The following RANBP17 variants were observed in gnomAD, a reference collection of about 807,000 sequenced individuals.
RANBP17 encodes RAN binding protein 17.
In RANBP17, 158 loss-of-function variants were observed where a neutral mutation model predicts 141.2. That is an observed-to-expected ratio of 1.12 (90% CI 0.98 to 1.28). The LOEUF is 1.28. Ranked by LOEUF, RANBP17 falls within the 50% of genes most tolerant of loss-of-function variation. The pLI is 0.00. For missense variants in RANBP17, 1,438 were observed against 1,290.7 expected (o/e 1.11, Z -1.75); for synonymous variants, 430 against 450.0 (o/e 0.96, Z 0.56).
chr5:170,931,448 T>C (rs1680278803), intron 12 of RANBP17, among the ~76,000 whole-genome samples: 1 of 152,214 alleles, frequency 6.6e-6, no homozygotes, highest in African/African-American at 2.4e-5. Flanking sequence ...TTTGTTGCCA[T>C]TGCTTTTGGT....
intron 14 of RANBP17, among the ~76,000 whole-genome samples, chr5:171,086,024 G>T (rs1785619731): frequency 1.7e-5 from 1 of 57,662 alleles, no homozygotes; most frequent in Admixed American, 2.1e-4. Context: ...GTGAGAGAGG[G>T]CATCCCTGTC....
intron 14 of RANBP17, among the ~76,000 whole-genome samples, chr5:171,046,440 C>T (rs915414043): frequency 3.9e-5 from 6 of 151,902 alleles, no homozygotes; most frequent in African/African-American, 1.5e-4. Flanking sequence ...GATGTCTTGA[C>T]CTCGTGATCT....
At chr5:170,917,605 C>T (rs115109363) in intron 9 of RANBP17, among the ~76,000 whole-genome samples, 1,775 of 152,160 alleles carry the variant, frequency 0.012, 32 homozygotes, top group African/African-American at 0.041. Context: ...TTTGCATATT[C>T]TCAGAAGTGT....
chr5:170,954,986 G>A (rs1247080642), intron 13 of RANBP17, among the ~76,000 whole-genome samples: 1 of 152,120 alleles, frequency 6.6e-6, no homozygotes, highest in Non-Finnish European at 1.5e-5. Flanking sequence ...GATCAGCAGG[G>A]ACATAGATTC....
intron 27 of RANBP17, among the ~76,000 whole-genome samples, chr5:171,296,988 G>A (rs1295318387): frequency 2.0e-5 from 3 of 152,204 alleles, no homozygotes; most frequent in East Asian, 3.8e-4. Flanking sequence ...TTGTGTGGCA[G>A]TAGGCAGTTA....
chr5:171,052,617 T>C (rs1416758402), intron 14 of RANBP17, among the ~76,000 whole-genome samples: 1 of 152,208 alleles, frequency 6.6e-6, no homozygotes, highest in East Asian at 1.9e-4. Context: ...ACGGTTTTGG[T>C]TACTGTAGCT....
chr5:171,159,604 C>T (rs897137486), intron 14 of RANBP17, among the ~76,000 whole-genome samples: 7 of 152,116 alleles, frequency 4.6e-5, no homozygotes, highest in Non-Finnish European at 2.9e-5. Flanking sequence ...TCTGGACCCC[C>T]GTGTCTGTGT....
chr5:170,878,089 C>G lies in RANBP17; in HGVS notation c.19-8C>G, dbSNP rs1384322775. On this transcript the variant is annotated splice_polypyrimidine_tract_variant and splice_region_variant and intron_variant, in intron 1 of 27. Coordinates refer to ENST00000523189, the MANE Select transcript of RANBP17 (RefSeq NM_022897.5). ...TGAAGTAAAATGTTAATTTTTTTTTCTTTGAAGAGTTTGGCTGAATTGGAA... is the reference window on the plus strand; with the variant it reads ...TGAAGTAAAATGTTAATTTTTTTTTGTTTGAAGAGTTTGGCTGAATTGGAA... 3.3e-6 allele frequency: 5 copies of G among 1,498,854 alleles called. No individual in the cohort carries two copies. Among genetic ancestry groups the G allele is most frequent in the Non-Finnish European group, 4.5e-6 (5 of 1,122,904 alleles). The allele number at this position is 1,498,854 out of a possible 1,614,324, so 92.8% of individuals were successfully genotyped here. A position where few individuals can be genotyped will look rare whatever the true frequency, so the allele number is the denominator to read the frequency against.
intron 14 of RANBP17, among the ~76,000 whole-genome samples, chr5:171,089,098 C>G (rs1454463395): frequency 6.6e-6 from 1 of 151,376 alleles, no homozygotes; most frequent in Admixed American, 6.6e-5. Flanking sequence ...GTGGTTTTAT[C>G]TACTTTTGGT....
intron 14 of RANBP17, among the ~76,000 whole-genome samples, chr5:171,137,606 C>G (rs12187513): frequency 0.14 from 8,112 of 58,702 alleles, 288 homozygotes; most frequent in East Asian, 0.26. Flanking sequence ...GTGTGTGTGT[C>G]TGTGTGTGTG....
intron 1 of RANBP17, among the ~76,000 whole-genome samples, chr5:170,877,184 C>T (rs1768252846): frequency 6.6e-6 from 1 of 151,994 alleles, no homozygotes; most frequent in Non-Finnish European, 1.5e-5. Flanking sequence ...CTAGAAATAC[C>T]ATGGGATCAA....
intron 14 of RANBP17, among the ~76,000 whole-genome samples, chr5:171,120,752 C>T (rs1020400257): frequency 6.6e-6 from 1 of 152,030 alleles, no homozygotes; most frequent in Non-Finnish European, 1.5e-5. Context: ...TTATTGTATT[C>T]CTTTAGACAT....
chr5:171,170,254 T>A, intron 15 of RANBP17, 51 bp downstream of exon 15: 1 of 925,774 alleles, frequency 1.1e-6, no homozygotes, highest in Non-Finnish European at 1.6e-6. Context: ...GTTTTAAATG[T>A]AATAGATCTT....
At chr5:171,284,308 CATTTT>C (rs1347132904) in intron 25 of RANBP17, among the ~76,000 whole-genome samples, 2 of 151,796 alleles carry the variant, frequency 1.3e-5, no homozygotes, top group Admixed American at 6.6e-5. Context: ...CTTTTTATTT[CATTTT>C]ATTTTATTTT....
chr5:170,982,365 A>G (rs926844469), intron 14 of RANBP17, among the ~76,000 whole-genome samples: 2 of 152,206 alleles, frequency 1.3e-5, no homozygotes, highest in African/African-American at 4.8e-5. Context: ...ACAATTGACA[A>G]TAGCTAGCCT....
At chr5:171,012,004 C>T (rs540457283) in intron 14 of RANBP17, among the ~76,000 whole-genome samples, 7 of 149,982 alleles carry the variant, frequency 4.7e-5, no homozygotes, top group Non-Finnish European at 7.4e-5. Flanking sequence ...GTTATTGCCT[C>T]AGTAATATAT....
At chr5:171,129,163 G>T (rs779670) in intron 14 of RANBP17, among the ~76,000 whole-genome samples, 3 of 152,048 alleles carry the variant, frequency 2.0e-5, no homozygotes, top group East Asian at 3.9e-4. Flanking sequence ...AAGGGAAAGA[G>T]GGAAGAATGG....
intron 14 of RANBP17, among the ~76,000 whole-genome samples, chr5:171,047,014 C>CTT (rs35304788): frequency 0.045 from 4,442 of 97,732 alleles, 336 homozygotes; most frequent in Non-Finnish European, 0.053. Context: ...TTTATTTTGC[C>CTT]TTTTTTTTTT....
intron 14 of RANBP17, among the ~76,000 whole-genome samples, chr5:171,064,621 C>T (rs1316546046): frequency 6.6e-6 from 1 of 152,118 alleles, no homozygotes; most frequent in Admixed American, 6.5e-5. Flanking sequence ...TTTAGCCTTC[C>T]AAGGAGCTGG....
Sources: allele counts gnomAD v4.1 joint callset (sites outside exome capture counted in the v4.1 genomes callset), GRCh38; gene constraint gnomAD v4.1.1; transcripts MANE v1.5; gene names NCBI Gene and HGNC (gene_info 2026-07-23, HGNC 2026-07-21).